TCF23: variants seen among roughly 807,000 people sequenced by gnomAD.
TCF23 encodes the protein transcription factor 23.
A neutral mutation model predicts 13.0 loss-of-function variants in TCF23; 7 were observed. The ratio of observed to expected loss-of-function variants is 0.54; its 90% CI spans 0.31 to 1.01. TCF23 has a LOEUF of 1.01. Among genes scored for constraint, TCF23 ranks in the 50% least tolerant of loss-of-function variants. TCF23 has a pLI of 0.06. For synonymous variants in TCF23, 122 were observed against 119.5 expected (o/e 1.02, Z -0.14); for missense variants, 257 against 289.8 (o/e 0.89, Z 0.82).
rs1672815822 is a variant in TCF23, at chr2:27,155,053, G to C, written c.*2186G>C. Reference sequence around the variant, plus strand: ...TGCCTAGTAACATTAGAGCCCTCAGGGGTGACCGCATGGCCCTGGTGTAGA... The same window carrying C: ...TGCCTAGTAACATTAGAGCCCTCAGCGGTGACCGCATGGCCCTGGTGTAGA... On this transcript the variant is annotated 3_prime_UTR_variant, in exon 3 of 3. Transcript: ENST00000296096. The C allele has an allele frequency of 6.6e-6, 1 of 152,412 alleles. No homozygotes were observed. The highest frequency in any genetic ancestry group is 1.5e-5 in the Non-Finnish European group (1 of 68,222). The allele number at this position is 152,412 out of a possible 1,614,324, so 9.4% of individuals were successfully genotyped here.
chr2:27,150,220 C>T lies in TCF23; in HGVS notation c.320C>T (p.Pro107Leu), dbSNP rs763257227. 3.1e-6 allele frequency: 5 copies of T among 1,613,302 alleles called. No homozygotes were observed. The highest frequency in any genetic ancestry group is 3.4e-4 in the Middle Eastern group (2 of 5,834). Residue 107 changes from proline to leucine, a missense_variant, in exon 2 of 3, where the codon CCG (proline) becomes CTG (leucine). Coordinates refer to ENST00000296096, the MANE Select transcript of TCF23 (RefSeq NM_175769.3). This position sits in a 1 kb window ranked among gnomAD's most constrained non-coding sequence, Gnocchi z 4.1. ...TTGCAGGCTGCTCTGCCTGCCGTGC[C>T]GCCCGACACCAAGCTCTCCAAGTTG... ...LALQAALPAV[P>L]PDTKLSKLDV...
At position 27,150,328 on chromosome 2, in the gene TCF23, C is replaced by T. The variant is rs906023521; in HGVS notation, c.428C>T (p.Pro143Leu). 1 of 1,613,674 alleles carries T rather than the reference C, an allele frequency of 6.2e-7. No homozygotes were observed. The highest frequency in any genetic ancestry group is 8.5e-7 in the Non-Finnish European group (1 of 1,179,984). ...GAGTTGCCTGGCCCTGCCTGGCCGC[C>T]CTTCCTGCGTGGACTCCGCTACTTG... The part of the protein sequence containing the change: ...GHELPGPAWP[P>L]FLRGLRYLHP... Residue 143 changes from proline to leucine, a missense_variant, in exon 2 of 3, where the codon CCC (proline) becomes CTC (leucine). By Grantham distance (98) the Pro-to-Leu change is moderately conservative. Transcript: ENST00000296096. This position sits in a 1 kb window ranked among gnomAD's most constrained non-coding sequence, Gnocchi z 4.1.
chr2:27,152,749 C>A lies in TCF23; in HGVS notation c.527C>A (p.Thr176Asn), dbSNP rs111706731. ...GGLGYSDLDS[T>N]TASTPSQRTR... Reference sequence around the variant, plus strand: ...CTGGGGTACTCCGATCTTGACTCCACCACAGCCAGCACCCCCAGCCAAAGA... The same window carrying A: ...CTGGGGTACTCCGATCTTGACTCCAACACAGCCAGCACCCCCAGCCAAAGA... Residue 176 changes from threonine to asparagine, a missense_variant, in exon 3 of 3, where the codon ACC becomes AAC. Physicochemically the swap from Thr to Asn is moderately conservative, Grantham distance 65. Transcript: ENST00000296096. 3.0e-5 allele frequency: 48 copies of A among 1,614,150 alleles called. No homozygotes were observed. In the Middle Eastern group the frequency reaches 4.9e-4, roughly 17 times the overall value.
chr2:27,156,798 G>C lies in TCF23; in HGVS notation c.*3931G>C, dbSNP rs1044437794. The C allele has an allele frequency of 6.6e-6, 1 of 152,230 alleles. No individual in the cohort carries two copies. Among genetic ancestry groups the C allele is most frequent in the Admixed American group, 6.5e-5 (1 of 15,282 alleles). The allele number at this position is 152,230 out of a possible 1,614,324, so 9.4% of individuals were successfully genotyped here. On this transcript the variant is annotated 3_prime_UTR_variant, in exon 3 of 3. Transcript: ENST00000296096. ...CTCCTTTTCTCTTCCTCTGGGAGGA[G>C]CCTGGCTAGGGTGAGTCAGATGGCA...
In TCF23 at chr2:27,153,778, G is replaced by A. The variant is rs1220835281; in HGVS notation, c.*911G>A. 2 of 152,180 alleles carry A rather than the reference G, an allele frequency of 1.3e-5. No individual in the cohort carries two copies. Among genetic ancestry groups the A allele is most frequent in the Non-Finnish European group, 2.9e-5 (2 of 68,044 alleles). 9.4% of individuals were successfully genotyped at this position (152,180 alleles called of 1,614,324 possible). On this transcript the variant is annotated 3_prime_UTR_variant, in exon 3 of 3. Transcript: ENST00000296096. The stretch of plus-strand genomic sequence containing the variant: ...ACTTTTAGATAGTCCCAGATGCCTA[G>A]TTTGAGATCTTAACCAGAAGCAATT...
rs1572361168 is a variant in TCF23, at chr2:27,155,214, T to G, written c.*2347T>G. On this transcript the variant is annotated 3_prime_UTR_variant, in exon 3 of 3. Coordinates refer to ENST00000296096, the MANE Select transcript of TCF23 (RefSeq NM_175769.3). The stretch of plus-strand genomic sequence containing the variant: ...TTGTGCCCAGGACAGTCGAGGGGGG[T>G]GGGGCAGAGGCCATCTCCTCCAGCC... 1 of 150,510 alleles carries G rather than the reference T, an allele frequency of 6.6e-6. No individual in the cohort carries two copies. The highest frequency in any genetic ancestry group is 2.5e-5 in the African/African-American group (1 of 40,724). The allele number at this position is 150,510 out of a possible 1,614,324, so 9.3% of individuals were successfully genotyped here. A position where few individuals can be genotyped will look rare whatever the true frequency, so the allele number is the denominator to read the frequency against.
Position 27,150,348 on chromosome 2 carries a change from T to C in TCF23, c.448T>C (p.Tyr150His), listed in dbSNP as rs1226323049. Reference sequence around the variant, plus strand: ...GCCGCCCTTCCTGCGTGGACTCCGCTACTTGCACCCTCTCAAGGTAAGTCA... The same window carrying C: ...GCCGCCCTTCCTGCGTGGACTCCGCCACTTGCACCCTCTCAAGGTAAGTCA... ...AWPPFLRGLR[Y>H]LHPLKKWPMR... Residue 150 changes from tyrosine (Y) to histidine (H), a missense_variant, in exon 2 of 3, where the codon TAC becomes CAC. By Grantham distance (83) the Tyr-to-His change is moderately conservative (BLOSUM62 2). Transcript: ENST00000296096. This position sits in a 1 kb window ranked among gnomAD's most constrained non-coding sequence, Gnocchi z 4.1. 5 of 1,613,142 alleles carry C rather than the reference T, an allele frequency of 3.1e-6. No individual in the cohort carries two copies. In the Admixed American group the frequency reaches 8.3e-5, roughly 27 times the overall value.
At chr2:27,152,644 G>GAT (rs1272991752) in intron 2 of TCF23, 44 bp from the exon 3 acceptor site, 16 of 1,591,702 alleles carry the variant, frequency 1.0e-5, no homozygotes, top group Non-Finnish European at 1.4e-5. Flanking sequence ...ACCACGAAGG[G>GAT]CTGCAATAGC....
chr2:27,153,077 G>T lies in TCF23; in HGVS notation c.*210G>T. 1 of 1,222,314 alleles carries T rather than the reference G, an allele frequency of 8.2e-7. No individual in the cohort carries two copies. The highest frequency in any genetic ancestry group is 2.2e-5 in the South Asian group (1 of 44,898). The allele number at this position is 1,222,314 out of a possible 1,614,324, so 75.7% of individuals were successfully genotyped here. On this transcript the variant is annotated 3_prime_UTR_variant, in exon 3 of 3. Coordinates refer to ENST00000296096, the MANE Select transcript of TCF23 (RefSeq NM_175769.3). Reference sequence around the variant, plus strand: ...GCCTCCTCCTTGGTCCCCAGGAGGGGACTTCCCCATGGCTCTTCTGTGACA... The same window carrying T: ...GCCTCCTCCTTGGTCCCCAGGAGGGTACTTCCCCATGGCTCTTCTGTGACA...
intron 2 of TCF23, among the ~76,000 whole-genome samples, chr2:27,151,458 C>T (rs536561715): frequency 4.0e-5 from 6 of 151,892 alleles, no homozygotes; most frequent in South Asian, 4.2e-4. Context: ...CTCAGCCTCC[C>T]GAGTAGGTGG....
rs1257435545 is a variant in TCF23, at chr2:27,149,250, G to A, written c.117G>A (p.Arg39=). ...GADRKRSRLS[R]TRQDPWEERS... ...ACAGGAAGAGGAGCCGCCTCAGCAGGACAAGGCAGGACCCGTGGGAAGAAA... is the reference window on the plus strand; with the variant it reads ...ACAGGAAGAGGAGCCGCCTCAGCAGAACAAGGCAGGACCCGTGGGAAGAAA... The change falls in exon 1 of 3, where the codon AGG becomes AGA. Residue 39 remains arginine (R), a synonymous_variant. Coordinates refer to ENST00000296096, the MANE Select transcript of TCF23 (RefSeq NM_175769.3). The A allele has an allele frequency of 2.5e-6, 4 of 1,583,280 alleles. No individual in the cohort carries two copies. The highest frequency in any genetic ancestry group is 3.4e-6 in the Non-Finnish European group (4 of 1,164,856).
At chr2:27,149,381 G>A in intron 1 of TCF23, 26 bp downstream of exon 1, 1 of 1,553,468 alleles carries the variant, frequency 6.4e-7, no homozygotes, top group Non-Finnish European at 8.7e-7. Flanking sequence ...ACCTGCAGAG[G>A]GGTCCAGGGG....
At position 27,150,097 on chromosome 2, in the gene TCF23, C is replaced by T; in HGVS notation, c.223-26C>T. Reference sequence around the variant, plus strand: ...AGGGCAGTTGGGAGTCCAGGTCACACACACTCACTGGGGCCCTCTGTGCAG... The same window carrying T: ...AGGGCAGTTGGGAGTCCAGGTCACATACACTCACTGGGGCCCTCTGTGCAG... On this transcript the variant is annotated intron_variant, in intron 1 of 2. Coordinates refer to ENST00000296096, the MANE Select transcript of TCF23 (RefSeq NM_175769.3). This position sits in a 1 kb window ranked among gnomAD's most constrained non-coding sequence, Gnocchi z 4.1. 1 of 1,583,194 alleles carries T rather than the reference C, an allele frequency of 6.3e-7. No homozygotes were observed. Among genetic ancestry groups the T allele is most frequent in the Non-Finnish European group, 8.6e-7 (1 of 1,166,614 alleles).
chr2:27,152,439 AAC>A (rs1265243343), intron 2 of TCF23, among the ~76,000 whole-genome samples: 1 of 152,128 alleles, frequency 6.6e-6, no homozygotes, highest in African/African-American at 2.4e-5. Flanking sequence ...CCTCCCTCCC[AAC>A]AGAGCGCTGC....
In TCF23 at chr2:27,149,282, G is replaced by A. The variant is rs1672721755; in HGVS notation, c.149G>A (p.Trp50Ter). Residue 50 changes from tryptophan to a stop codon, truncating the protein, a stop_gained, in exon 1 of 3, where the codon TGG (tryptophan) becomes TAG (stop). Coordinates refer to ENST00000296096, the MANE Select transcript of TCF23 (RefSeq NM_175769.3). LOFTEE classifies it high-confidence loss of function. ...CAGGACCCGTGGGAAGAAAGAAGCT[G>A]GAGCAACCAGAGATGGAGCAGAGCT... ...TRQDPWEERS[W>*]SNQRWSRATP... 6.3e-7 allele frequency: 1 copy of A among 1,596,910 alleles called. No individual in the cohort carries two copies. The highest frequency in any genetic ancestry group is 8.5e-7 in the Non-Finnish European group (1 of 1,171,952).
chr2:27,153,160 C>A lies in TCF23; in HGVS notation c.*293C>A. 2.4e-6 allele frequency: 1 copy of A among 419,102 alleles called. No individual in the cohort carries two copies. The highest frequency in any genetic ancestry group is 7.0e-5 in the South Asian group (1 of 14,294). The allele number at this position is 419,102 out of a possible 1,614,324, so 26.0% of individuals were successfully genotyped here. A position where few individuals can be genotyped will look rare whatever the true frequency, so the allele number is the denominator to read the frequency against. On this transcript the variant is annotated 3_prime_UTR_variant, in exon 3 of 3. Coordinates refer to ENST00000296096, the MANE Select transcript of TCF23 (RefSeq NM_175769.3). ...TTGGGCTCAAAGTTGAGGTAGGGAA[C>A]CACCCTAGCTTTCTTCCCCTAAGGT...
chr2:27,156,960 T>G lies in TCF23; in HGVS notation c.*4093T>G, dbSNP rs1672845828. The G allele has an allele frequency of 6.6e-6, 1 of 152,276 alleles. No homozygotes were observed. The allele number at this position is 152,276 out of a possible 1,614,324, so 9.4% of individuals were successfully genotyped here. A position where few individuals can be genotyped will look rare whatever the true frequency, so the allele number is the denominator to read the frequency against. ...TGTATTTTTGTAAATAAAGTTTTAT[T>G]GGAACACATCCACACCCATGTGTTT... On this transcript the variant is annotated 3_prime_UTR_variant, in exon 3 of 3. Coordinates refer to ENST00000296096, the MANE Select transcript of TCF23 (RefSeq NM_175769.3).
rs144584247 is a variant in TCF23 at position 27,152,707 on chromosome 2, G to A, written c.485G>A (p.Arg162His). 5.6e-5 allele frequency: 90 copies of A among 1,613,726 alleles called. No homozygotes were observed. The South Asian group carries it at 6.6e-4, about 12-fold the overall frequency. Residue 162 changes from arginine (R) to histidine (H), a missense_variant, in exon 3 of 3, where the codon CGT (arginine) becomes CAT (histidine). Transcript: ENST00000296096. ...TTGCAGAAGTGGCCGATGCGATCTCGTCTCTATGCTGGAGGCCTGGGGTAC... is the reference window on the plus strand; with the variant it reads ...TTGCAGAAGTGGCCGATGCGATCTCATCTCTATGCTGGAGGCCTGGGGTAC... The part of the protein sequence containing the change: ...HPLKKWPMRS[R>H]LYAGGLGYSD...
rs377262036 is a variant in TCF23, at chr2:27,154,898, C to T, written c.*2031C>T. ...TCCTCCTCAGTTGGTGGCACACTTT[C>T]CTGGGGATGAAGGGAAATTGGCTTG... is the stretch of plus-strand genomic sequence containing the variant. On this transcript the variant is annotated 3_prime_UTR_variant, in exon 3 of 3. Transcript: ENST00000296096. The T allele has an allele frequency of 6.6e-6, 1 of 152,418 alleles. No individual in the cohort carries two copies. The highest frequency in any genetic ancestry group is 1.5e-5 in the Non-Finnish European group (1 of 68,218). 9.4% of individuals were successfully genotyped at this position (152,418 alleles called of 1,614,324 possible). A position where few individuals can be genotyped will look rare whatever the true frequency, so the allele number is the denominator to read the frequency against.
Sources: gnomAD v4.1 joint callset for allele counts (sites outside exome capture counted in the v4.1 genomes callset) on GRCh38, gnomAD v4.1.1 for gene constraint, Gnocchi (gnomAD v3.1) non-coding constraint, MANE v1.5 for transcripts, NCBI Gene and HGNC (gene_info 2026-07-23, HGNC 2026-07-21) for gene names.